The following AGBL1 variants were observed in gnomAD, a reference collection of about 807,000 sequenced individuals.
AGBL1 encodes AGBL carboxypeptidase 1, also known as cytosolic carboxypeptidase 4.
AGBL1 carries 130 observed loss-of-function variants against 118.9 expected under a neutral mutation model. The observed-to-expected ratio is 1.09, with a 90% CI of 0.95 to 1.26. The LOEUF (loss-of-function observed/expected upper bound fraction) is 1.26, where lower values mean the gene tolerates loss of function less well. Among genes scored for constraint, AGBL1 ranks in the 50% most tolerant of loss-of-function variants. AGBL1 has a pLI of 0.00. For synonymous variants in AGBL1, 555 were observed against 478.9 expected (o/e 1.16, Z -2.08); for missense variants, 1,584 against 1,298.1 (o/e 1.22, Z -3.38).
At chr15:86,271,512 C>A in intron 14 of AGBL1, 107 bp from the exon 15 acceptor site, 2 of 848,060 alleles carry the variant, frequency 2.4e-6, no homozygotes, top group Non-Finnish European at 2.0e-6. Flanking sequence ...ATATAGTTAA[C>A]AGTCACAGTT....
At chr15:86,478,554 T>A (rs1053898780) in intron 18 of AGBL1, among the ~76,000 whole-genome samples, 31 of 152,108 alleles carry the variant, frequency 2.0e-4, no homozygotes, top group African/African-American at 7.0e-4. Flanking sequence ...CAGGGAGAAC[T>A]ACAAACCACT....
chr15:86,848,073 T>G (rs1370053296), intron 22 of AGBL1, among the ~76,000 whole-genome samples: 1 of 152,124 alleles, frequency 6.6e-6, no homozygotes, highest in Non-Finnish European at 1.5e-5. Flanking sequence ...AATCCTCTTT[T>G]TCAGTGAAGC....
At chr15:86,863,659 T>C (rs1195381641) in intron 22 of AGBL1, among the ~76,000 whole-genome samples, 1 of 152,204 alleles carries the variant, frequency 6.6e-6, no homozygotes, top group African/African-American at 2.4e-5. Context: ...GTTTATTAGA[T>C]GGGACTTTCC....
At chr15:86,780,306 T>C (rs543193321) in intron 22 of AGBL1, among the ~76,000 whole-genome samples, 1 of 152,324 alleles carries the variant, frequency 6.6e-6, no homozygotes, top group African/African-American at 2.4e-5. Flanking sequence ...ATCCCTGGAT[T>C]CTTTTCTGTT....
chr15:86,937,576 T>G (rs559719695), intron 23 of AGBL1, among the ~76,000 whole-genome samples: 1 of 152,294 alleles, frequency 6.6e-6, no homozygotes, highest in Non-Finnish European at 1.5e-5. Context: ...ATGTTCTCAC[T>G]TATAAGTGGG....
intron 22 of AGBL1, among the ~76,000 whole-genome samples, chr15:86,691,476 G>GA (rs1176749371): frequency 1.3e-5 from 2 of 151,988 alleles, no homozygotes; most frequent in African/African-American, 2.4e-5. Context: ...ACTGGGAGGG[G>GA]AAAATTGGAC....
At chr15:86,839,324 A>G (rs533409623) in intron 22 of AGBL1, among the ~76,000 whole-genome samples, 15 of 152,226 alleles carry the variant, frequency 9.9e-5, no homozygotes, top group Non-Finnish European at 1.9e-4. Flanking sequence ...GTCTTGCTTT[A>G]GTAATCGTCA....
At position 86,825,387 on chromosome 15, in the gene AGBL1, T is replaced by TAAAAAAAAAAAA. The variant is rs869042604; in HGVS notation, c.3159-81675_3159-81664dup. The stretch of plus-strand genomic sequence containing the variant: ...AGTTGAAAAGACAAGGTAGAAACTG[T>TAAAAAAAAAAAA]AAAAAAAAAAAAAAAAAAAAAAAAA... On this transcript the variant is annotated intron_variant, in intron 22 of 22. Coordinates refer to ENST00000614907, the MANE Select transcript of AGBL1 (RefSeq NM_001386094.1). Among the ~76,000 whole-genome samples, 7 of 11,148 alleles carry TAAAAAAAAAAAA rather than the reference T, an allele frequency of 6.3e-4. 1 individual carries two copies. Among genetic ancestry groups the TAAAAAAAAAAAA allele is most frequent in the African/African-American group, 2.5e-3 (5 of 2,006 alleles). 7.3% of individuals were successfully genotyped at this position (11,148 alleles called of 152,430 possible). A position where few individuals can be genotyped will look rare whatever the true frequency, so the allele number is the denominator to read the frequency against.
At chr15:86,260,278 C>A (rs2078962412) in intron 9 of AGBL1, among the ~76,000 whole-genome samples, 1 of 152,194 alleles carries the variant, frequency 6.6e-6, no homozygotes, top group Admixed American at 6.5e-5. Context: ...AGGCCTTTAA[C>A]CTGTGGCCTT....
chr15:87,030,323 T>C (rs2081771652), downstream of AGBL1, among the ~76,000 whole-genome samples: 1 of 152,014 alleles, frequency 6.6e-6, no homozygotes, highest in African/African-American at 2.4e-5. Flanking sequence ...CAACTTTAAA[T>C]ATCAATATTT....
chr15:86,734,985 T>G (rs1423059181), intron 22 of AGBL1, among the ~76,000 whole-genome samples: 1 of 151,990 alleles, frequency 6.6e-6, no homozygotes, highest in Non-Finnish European at 1.5e-5. Flanking sequence ...TCCATCCAGT[T>G]TTCTATTTTC....
At chr15:86,671,995 C>T (rs1374732221) in intron 21 of AGBL1, among the ~76,000 whole-genome samples, 3 of 152,096 alleles carry the variant, frequency 2.0e-5, no homozygotes, top group Non-Finnish European at 2.9e-5. Flanking sequence ...TATATTTAGC[C>T]CAGGAGTTCA....
At chr15:86,138,759 C>G (rs1487258300) in intron 1 of AGBL1, among the ~76,000 whole-genome samples, 1 of 152,036 alleles carries the variant, frequency 6.6e-6, no homozygotes, top group Non-Finnish European at 1.5e-5. Context: ...CAACTAATGA[C>G]TTCAGCATTT....
chr15:86,388,541 A>T (rs1229869628), intron 17 of AGBL1, among the ~76,000 whole-genome samples: 1 of 152,048 alleles, frequency 6.6e-6, no homozygotes, highest in African/African-American at 2.4e-5. Context: ...AAAGATTTTA[A>T]TTTTCCCAAA....
At chr15:86,416,084 C>G (rs1258916578) in intron 18 of AGBL1, among the ~76,000 whole-genome samples, 3 of 152,138 alleles carry the variant, frequency 2.0e-5, no homozygotes, top group Non-Finnish European at 2.9e-5. Flanking sequence ...ATGGCCCACT[C>G]TTTCAGAAGG....
intron 1 of AGBL1, among the ~76,000 whole-genome samples, chr15:86,101,631 C>CTTT (rs563450139): frequency 2.3e-5 from 3 of 131,702 alleles, no homozygotes; most frequent in South Asian, 2.4e-4. Context: ...TGACATTTGT[C>CTTT]TTTTTTTTTT....
intron 19 of AGBL1, among the ~76,000 whole-genome samples, chr15:86,534,299 T>G (rs2083392642): frequency 6.6e-6 from 1 of 152,122 alleles, no homozygotes; most frequent in Admixed American, 6.5e-5. Context: ...CTCAGGGTTA[T>G]GGAAAAGCCA....
chr15:86,891,763 C>G (rs1186945433), intron 22 of AGBL1, among the ~76,000 whole-genome samples: 1 of 152,118 alleles, frequency 6.6e-6, no homozygotes, highest in Non-Finnish European at 1.5e-5. Flanking sequence ...TTGTTAACTT[C>G]TCCTGGTCCC....
intron 18 of AGBL1, among the ~76,000 whole-genome samples, chr15:86,409,020 AAGAC>A (rs1480234295): frequency 6.6e-6 from 1 of 152,232 alleles, no homozygotes. Context: ...TATAAAATGA[AAGAC>A]AGACACATAT....
Sources: gnomAD v4.1 joint callset for allele counts (sites outside exome capture counted in the v4.1 genomes callset) on GRCh38, gnomAD v4.1.1 for gene constraint, MANE v1.5 for transcripts, NCBI Gene and HGNC (gene_info 2026-07-23, HGNC 2026-07-21) for gene names.